Variants in ELAPOR2 observed in about 807,000 individuals in gnomAD.
ELAPOR2 encodes endosome/lysosome-associated apoptosis and autophagy regulator family member 2.
In ELAPOR2, 89 loss-of-function variants were observed where a neutral mutation model predicts 120.7. The observed-to-expected ratio is 0.74, with a 90% confidence interval of 0.62 to 0.88. ELAPOR2 has a LOEUF of 0.88. Ranked by LOEUF, ELAPOR2 falls within the 40% of genes least tolerant of loss-of-function variation. The pLI is 0.00. For synonymous variants in ELAPOR2, 444 were observed against 444.9 expected (o/e 1.00, Z 0.03); for missense variants, 1,134 against 1,251.6 (o/e 0.91, Z 1.42).
intron 2 of ELAPOR2, among the ~76,000 whole-genome samples, chr7:86,964,557 G>A (rs1312694892): frequency 6.6e-6 from 1 of 152,032 alleles, no homozygotes; most frequent in Non-Finnish European, 1.5e-5. Flanking sequence ...AAATGGTGAC[G>A]ATGGTAAATT....
rs554705179 is a variant in ELAPOR2 at position 87,030,793 on chromosome 7, C to A, written c.189+28532G>T. 8.5e-5 allele frequency among the ~76,000 whole-genome samples: 13 copies of A among 152,182 alleles called. No individual in the cohort carries two copies. In the South Asian group the frequency reaches 2.7e-3, roughly 32 times the overall value. ...TCTTATTTTCTCGTTATATAGTCCA[C>A]CAGGTTTGTAGGTGGGGGTACTCTG... is the stretch of plus-strand genomic sequence containing the variant. On this transcript the variant is annotated intron_variant, in intron 1 of 21. Coordinates refer to ENST00000450689, the MANE Select transcript of ELAPOR2 (RefSeq NM_001142749.3).
At chr7:86,962,362 C>G (rs546907692) in intron 2 of ELAPOR2, among the ~76,000 whole-genome samples, 3 of 152,314 alleles carry the variant, frequency 2.0e-5, no homozygotes, top group Non-Finnish European at 4.4e-5. Flanking sequence ...TATTTTGAGA[C>G]ATTTAAGATC....
intron 1 of ELAPOR2, among the ~76,000 whole-genome samples, chr7:87,014,827 A>C (rs554924666): frequency 2.4e-4 from 36 of 152,282 alleles, no homozygotes; most frequent in Non-Finnish European, 4.0e-4. Flanking sequence ...ACTTCAAAAA[A>C]CAACTGCTAT....
intron 1 of ELAPOR2, among the ~76,000 whole-genome samples, chr7:86,974,830 A>G (rs1364018425): frequency 6.6e-6 from 1 of 152,198 alleles, no homozygotes; most frequent in African/African-American, 2.4e-5. Context: ...CTGGTGGGAC[A>G]TGGGAAAATT....
chr7:86,885,856 G>A (rs912000695), intron 21 of ELAPOR2, among the ~76,000 whole-genome samples: 2 of 152,094 alleles, frequency 1.3e-5, no homozygotes, highest in African/African-American at 2.4e-5. Context: ...GATGTTATAT[G>A]CTTGTACTTC....
At chr7:86,905,274 T>C (rs1788956060) in intron 18 of ELAPOR2, among the ~76,000 whole-genome samples, 2 of 91,122 alleles carry the variant, frequency 2.2e-5, no homozygotes, top group South Asian at 5.7e-4. Context: ...CTATGTTGAC[T>C]TTTTTTTTTT....
intron 15 of ELAPOR2, among the ~76,000 whole-genome samples, chr7:86,910,793 T>C (rs78934163): frequency 0.023 from 3,518 of 152,198 alleles, 143 homozygotes; most frequent in African/African-American, 0.079. Context: ...TGGTGTTAGA[T>C]ATAGAGTGTA....
At chr7:87,051,871 GTCT>G (rs1376510055) in intron 1 of ELAPOR2, among the ~76,000 whole-genome samples, 1 of 152,134 alleles carries the variant, frequency 6.6e-6, no homozygotes, top group African/African-American at 2.4e-5. Context: ...CCATATTTGT[GTCT>G]TCTATCAGGC....
At chr7:86,974,548 C>G (rs915261657) in intron 1 of ELAPOR2, among the ~76,000 whole-genome samples, 1 of 148,434 alleles carries the variant, frequency 6.7e-6, no homozygotes, top group Non-Finnish European at 1.5e-5. Flanking sequence ...GTGTTAAACA[C>G]AGGTTATAAA....
At chr7:86,949,167 A>G (rs1258559358) in intron 2 of ELAPOR2, among the ~76,000 whole-genome samples, 1 of 152,232 alleles carries the variant, frequency 6.6e-6, no homozygotes, top group Non-Finnish European at 1.5e-5. Context: ...TCAGTAAAAC[A>G]TGAGAAAATA....
At chr7:86,986,905 A>G (rs1488297831) in intron 1 of ELAPOR2, among the ~76,000 whole-genome samples, 1 of 150,944 alleles carries the variant, frequency 6.6e-6, no homozygotes, top group Non-Finnish European at 1.5e-5. Context: ...CTAATCAAAA[A>G]GAACAAAGCT....
Position 86,886,432 on chromosome 7 carries a change from T to C in ELAPOR2, c.3030+5292A>G, listed in dbSNP as rs563371179. ...CACAATCATAATGACAACTTTGTGA[T>C]ACAATTCTCTATAACTAATGATTTT... On this transcript the variant is annotated intron_variant, in intron 21 of 21. Coordinates refer to ENST00000450689, the MANE Select transcript of ELAPOR2 (RefSeq NM_001142749.3). 7.2e-5 allele frequency among the ~76,000 whole-genome samples: 11 copies of C among 152,262 alleles called. No homozygotes were observed. In the South Asian group the frequency reaches 2.3e-3, roughly 32 times the overall value.
intron 2 of ELAPOR2, among the ~76,000 whole-genome samples, chr7:86,952,570 T>C (rs1050586795): frequency 1.3e-5 from 2 of 152,174 alleles, no homozygotes; most frequent in African/African-American, 4.8e-5. Context: ...GCAATAACCA[T>C]TTTAGCAATA....
intron 21 of ELAPOR2, among the ~76,000 whole-genome samples, chr7:86,883,023 G>GGGGTGT (rs372912079): frequency 4.9e-5 from 7 of 141,452 alleles, no homozygotes; most frequent in African/African-American, 1.8e-4. Context: ...GTTTGAAAGG[G>GGGGTGT]GTGTGTGTGT....
chr7:86,904,911 TACCAAAGTC>T (rs1788899030), intron 18 of ELAPOR2, among the ~76,000 whole-genome samples: 2 of 152,136 alleles, frequency 1.3e-5, no homozygotes, highest in Non-Finnish European at 2.9e-5. Flanking sequence ...CCTTCTGCAC[TACCAAAGTC>T]TCCTTCTGAG....
rs374588421 is a variant in ELAPOR2, at chr7:86,937,116, C to T, written c.1089+1010G>A. Among the ~76,000 whole-genome samples, 341 of 152,178 alleles carry T rather than the reference C, an allele frequency of 2.2e-3. 3 individuals are homozygous for T. The highest frequency in any genetic ancestry group is 3.7e-3 in the Non-Finnish European group (249 of 67,970). On this transcript the variant is annotated intron_variant, in intron 8 of 21. Coordinates refer to ENST00000450689, the MANE Select transcript of ELAPOR2 (RefSeq NM_001142749.3). ...ATAGGACTATCAGGACCTTACTTTA[C>T]AACTCCTTGTCAGTTAACAGCTGTT...
At chr7:86,988,700 G>T (rs1792841534) in intron 1 of ELAPOR2, among the ~76,000 whole-genome samples, 1 of 152,264 alleles carries the variant, frequency 6.6e-6, no homozygotes, top group Admixed American at 6.5e-5. Context: ...GTGTCAAAAC[G>T]ATAATAAAGT....
At chr7:86,944,322 A>T (rs1443075800) in intron 4 of ELAPOR2, among the ~76,000 whole-genome samples, 1 of 152,072 alleles carries the variant, frequency 6.6e-6, no homozygotes, top group Non-Finnish European at 1.5e-5. Flanking sequence ...TATCTTCCGT[A>T]ATGTTATTTA....
chr7:86,931,073 A>G (rs1053341495), intron 8 of ELAPOR2, among the ~76,000 whole-genome samples: 25 of 152,000 alleles, frequency 1.6e-4, no homozygotes, highest in African/African-American at 5.8e-4. Context: ...TATTTGAGTT[A>G]GAATTCCAGA....
Sources: gnomAD v4.1 joint callset for allele counts (sites outside exome capture counted in the v4.1 genomes callset) on GRCh38, gnomAD v4.1.1 for gene constraint, MANE v1.5 for transcripts, NCBI Gene and HGNC (gene_info 2026-07-23, HGNC 2026-07-21) for gene names.